MACROD2: variants seen among roughly 807,000 people sequenced by gnomAD.
MACROD2 encodes mono-ADP ribosylhydrolase 2.
MACROD2 carries 36 observed loss-of-function variants against 70.4 expected under a neutral mutation model. The ratio of observed to expected loss-of-function variants is 0.51; its 90% CI spans 0.39 to 0.68. The LOEUF (loss-of-function observed/expected upper bound fraction) is 0.68, where lower values mean the gene tolerates loss of function less well. MACROD2 is among the 30% of genes least tolerant of loss of function. MACROD2 has a pLI of 0.00. For synonymous variants in MACROD2, 172 were observed against 178.8 expected, an observed-to-expected ratio of 0.96 and a Z score of 0.30; for missense variants, 496 against 538.4, an observed-to-expected ratio of 0.92 and a Z score of 0.78.
chr20:14,806,522 A>T (rs1311103679), intron 5 of MACROD2, among the ~76,000 whole-genome samples: 4 of 152,058 alleles, frequency 2.6e-5, no homozygotes, highest in African/African-American at 4.8e-5. Context: ...CTGTTTGGGC[A>T]CACATCAAGC....
At chr20:15,292,096 G>A (rs1044797794) in intron 6 of MACROD2, among the ~76,000 whole-genome samples, 3 of 151,930 alleles carry the variant, frequency 2.0e-5, no homozygotes, top group South Asian at 2.1e-4. Flanking sequence ...GGCTGAACTC[G>A]GACTCCTGGG....
rs561914997 is a variant in MACROD2 at position 14,075,052 on chromosome 20, T to C, written c.164-10569T>C. On this transcript the variant is annotated intron_variant, in intron 2 of 17. Transcript: ENST00000684519. ...TGCACTGCCGGTGTTCAAGTCACCT[T>C]TATTTTACAAAATAATGGCCCCAAA... 3.3e-5 allele frequency among the ~76,000 whole-genome samples: 5 copies of C among 152,294 alleles called. No individual in the cohort carries two copies. The South Asian group carries it at 1.0e-3, about 32-fold the overall frequency.
At chr20:15,951,306 GACACACACACACACACAC>G (rs58032991) in intron 12 of MACROD2, among the ~76,000 whole-genome samples, 305 of 135,616 alleles carry the variant, frequency 2.2e-3, no homozygotes, top group African/African-American at 7.7e-3. Flanking sequence ...TATTTATCTA[GACACACACACACACACAC>G]ACACACACAC....
intron 8 of MACROD2, among the ~76,000 whole-genome samples, chr20:15,827,074 T>C (rs1044512142): frequency 6.6e-6 from 1 of 152,206 alleles, no homozygotes; most frequent in Non-Finnish European, 1.5e-5. Flanking sequence ...AAAGCCATTT[T>C]CTTCCTTAGA....
At chr20:14,635,789 C>T (rs73899219) in intron 4 of MACROD2, among the ~76,000 whole-genome samples, 14 of 152,242 alleles carry the variant, frequency 9.2e-5, no homozygotes, top group African/African-American at 3.4e-4. Context: ...TGGGTACAAG[C>T]ATCCTTTGAA....
chr20:14,540,555 A>G (rs1465913574), intron 4 of MACROD2, among the ~76,000 whole-genome samples: 3 of 152,154 alleles, frequency 2.0e-5, no homozygotes, highest in Admixed American at 2.0e-4. Context: ...TGGGAGCACA[A>G]TTACCTTCAA....
chr20:14,187,986 G>C (rs2081358190), intron 3 of MACROD2, among the ~76,000 whole-genome samples: 1 of 152,148 alleles, frequency 6.6e-6, no homozygotes, highest in Non-Finnish European at 1.5e-5. Flanking sequence ...CAGCACAAAG[G>C]TAAGATGGAA....
intron 5 of MACROD2, among the ~76,000 whole-genome samples, chr20:15,219,639 A>C (rs1346216496): frequency 6.6e-6 from 1 of 152,188 alleles, no homozygotes; most frequent in Non-Finnish European, 1.5e-5. Context: ...AATGAGATGT[A>C]GGGCCTGGAG....
At chr20:15,841,533 A>G (rs946232035) in intron 8 of MACROD2, among the ~76,000 whole-genome samples, 2 of 152,088 alleles carry the variant, frequency 1.3e-5, no homozygotes, top group Non-Finnish European at 2.9e-5. Context: ...AGAGCAAGTG[A>G]GGGGGAGTTG....
intron 3 of MACROD2, among the ~76,000 whole-genome samples, chr20:14,258,226 A>T (rs896451846): frequency 6.6e-6 from 1 of 151,972 alleles, no homozygotes; most frequent in East Asian, 1.9e-4. Context: ...TCATATAATG[A>T]CTTCTTTTCC....
At chr20:14,714,427 C>G (rs1692126091) in intron 5 of MACROD2, among the ~76,000 whole-genome samples, 1 of 152,128 alleles carries the variant, frequency 6.6e-6, no homozygotes, top group Non-Finnish European at 1.5e-5. Flanking sequence ...CCAGAGTGAT[C>G]TTTACAAAAC....
intron 8 of MACROD2, among the ~76,000 whole-genome samples, chr20:15,680,461 T>C (rs566337257): frequency 2.0e-5 from 3 of 152,210 alleles, no homozygotes; most frequent in East Asian, 1.9e-4. Context: ...ACCCGACCTA[T>C]ATCATGACTT....
intron 3 of MACROD2, among the ~76,000 whole-genome samples, chr20:14,149,620 A>C (rs1207229481): frequency 6.6e-6 from 1 of 152,028 alleles, no homozygotes; most frequent in African/African-American, 2.4e-5. Context: ...TAAGTGTTCT[A>C]TTTTCTCCAT....
At chr20:15,549,023 A>C (rs2146582985) in intron 8 of MACROD2, among the ~76,000 whole-genome samples, 1 of 152,338 alleles carries the variant, frequency 6.6e-6, no homozygotes, top group Non-Finnish European at 1.5e-5. Flanking sequence ...GAGAAACCCC[A>C]GGCAAAAACT....
At chr20:14,048,289 C>T (rs1320264522) in intron 2 of MACROD2, among the ~76,000 whole-genome samples, 3 of 152,100 alleles carry the variant, frequency 2.0e-5, no homozygotes, top group Non-Finnish European at 2.9e-5. Flanking sequence ...TGCAAGAAAA[C>T]AGTAACTAGA....
intron 5 of MACROD2, among the ~76,000 whole-genome samples, chr20:14,794,237 C>T (rs1357173608): frequency 2.6e-5 from 4 of 152,136 alleles, no homozygotes; most frequent in East Asian, 3.9e-4. Flanking sequence ...TGAAAGTAAA[C>T]ATTTGTAGTT....
At chr20:14,489,765 C>A (rs778369705) in intron 3 of MACROD2, among the ~76,000 whole-genome samples, 1 of 151,644 alleles carries the variant, frequency 6.6e-6, no homozygotes, top group Non-Finnish European at 1.5e-5. Flanking sequence ...GACAGATAGT[C>A]TTGGGTGGGG....
chr20:15,236,315 C>T lies in MACROD2; in HGVS notation c.540+6254C>T, dbSNP rs996547500. 3.9e-5 allele frequency among the ~76,000 whole-genome samples: 6 copies of T among 152,094 alleles called. No individual in the cohort carries two copies. The East Asian group carries it at 1.2e-3, about 29-fold the overall frequency. On this transcript the variant is annotated intron_variant, in intron 6 of 17. Transcript: ENST00000684519. The stretch of plus-strand genomic sequence containing the variant: ...CAGCAGAGTCGAGGAGGAGGGCGGG[C>T]ATGGAATGATAGTAAATTCACAGGC...
At chr20:15,102,496 G>A (rs2075880493) in intron 5 of MACROD2, among the ~76,000 whole-genome samples, 2 of 151,792 alleles carry the variant, frequency 1.3e-5, no homozygotes, top group Admixed American at 1.3e-4. Context: ...TGCAACTTTG[G>A]GACCTGACAT....
Sources: gnomAD v4.1 joint callset for allele counts (sites outside exome capture counted in the v4.1 genomes callset) on GRCh38, gnomAD v4.1.1 for gene constraint, MANE v1.5 for transcripts, NCBI Gene and HGNC (gene_info 2026-07-23, HGNC 2026-07-21) for gene names.